DERA: variants seen among roughly 807,000 people sequenced by gnomAD.
DERA encodes the protein deoxyribose-phosphate aldolase, also known as 2-deoxy-D-ribose 5-phosphate aldolase.
In DERA, 15 loss-of-function variants were observed where a neutral mutation model predicts 41.1. The ratio of observed to expected loss-of-function variants is 0.37; its 90% CI spans 0.24 to 0.56. The LOEUF (loss-of-function observed/expected upper bound fraction) is 0.56. Ranked by LOEUF, DERA falls within the 20% of genes least tolerant of loss-of-function variation. DERA has a pLI of 0.81. For missense variants in DERA, 396 were observed against 403.4 expected (o/e 0.98, Z 0.16); for synonymous variants, 139 against 137.4 (o/e 1.01, Z -0.08).
intron 6 of DERA, among the ~76,000 whole-genome samples, chr12:16,028,040 T>G (rs1049711066): frequency 6.6e-6 from 1 of 152,206 alleles, no homozygotes; most frequent in African/African-American, 2.4e-5. Context: ...TACACAGATA[T>G]ATTTCCCTGC....
chr12:15,951,617 A>G (rs946091428), intron 1 of DERA, among the ~76,000 whole-genome samples: 3 of 152,218 alleles, frequency 2.0e-5, no homozygotes, highest in Admixed American at 1.3e-4. Context: ...TTCCTGCTCA[A>G]TAAGATAATG....
In DERA at chr12:15,938,777, TAA is replaced by T. The variant is rs1322561451; in HGVS notation, c.32-18158_32-18157del. Reference sequence around the variant, plus strand: ...TGAGACAAAATAGTAAATATTTTTATAAGACAAAACTTGTCAAATAAGATGTT... The same window carrying T: ...TGAGACAAAATAGTAAATATTTTTATGACAAAACTTGTCAAATAAGATGTT... On this transcript the variant is annotated intron_variant, in intron 1 of 8. Transcript: ENST00000428559. The surrounding 1 kb of genome is among the most constrained non-coding windows in gnomAD (Gnocchi z 4.1). Among the ~76,000 whole-genome samples, 1 of 152,230 alleles carries T rather than the reference TAA, an allele frequency of 6.6e-6. No individual in the cohort carries two copies. The highest frequency in any genetic ancestry group is 1.5e-5 in the Non-Finnish European group (1 of 68,032).
chr12:15,956,806 A>G (rs1226620099), intron 1 of DERA, 130 bp from the exon 2 acceptor site: 1 of 782,658 alleles, frequency 1.3e-6, no homozygotes, highest in African/African-American at 1.7e-5. Context: ...GTTGTACAAA[A>G]AAGAAATATA....
intron 4 of DERA, 103 bp from the exon 5 acceptor site, chr12:15,962,710 A>G: frequency 1.1e-6 from 1 of 923,334 alleles, no homozygotes; most frequent in East Asian, 2.7e-5. Context: ...TTCTTTGATG[A>G]ACTACTACTG....
rs1287642745 is a variant in DERA at position 15,924,463 on chromosome 12, G to C, written c.31+13049G>C. 6.6e-6 allele frequency among the ~76,000 whole-genome samples: 1 copy of C among 152,170 alleles called. No individual in the cohort carries two copies. Among genetic ancestry groups the C allele is most frequent in the Non-Finnish European group, 1.5e-5 (1 of 68,038 alleles). ...CAGTAAATATATTTTTCACTGTAGA[G>C]ATTACAAATACAATATTCTAGAAAT... On this transcript the variant is annotated intron_variant, in intron 1 of 8. Coordinates refer to ENST00000428559, the MANE Select transcript of DERA (RefSeq NM_015954.4). This position sits in a 1 kb window ranked among gnomAD's most constrained non-coding sequence, Gnocchi z 5.0.
intron 6 of DERA, among the ~76,000 whole-genome samples, chr12:16,006,181 C>T (rs75487544): frequency 0.013 from 1,919 of 152,292 alleles, 58 homozygotes; most frequent in African/African-American, 0.043. Flanking sequence ...TGAGCTGAGA[C>T]TGTAGGTGAC....
chr12:15,977,240 G>T (rs1488620553), intron 5 of DERA, among the ~76,000 whole-genome samples: 3 of 152,114 alleles, frequency 2.0e-5, no homozygotes, highest in Admixed American at 6.5e-5. Context: ...CGAATCTGTT[G>T]CTCGAAGCAC....
intron 1 of DERA, among the ~76,000 whole-genome samples, chr12:15,917,761 G>C (rs1046555876): frequency 1.3e-5 from 2 of 152,118 alleles, no homozygotes; most frequent in African/African-American, 4.8e-5. Context: ...GTAGGGGTGG[G>C]TGTTTCAACA....
chr12:15,922,799 C>CTTCA lies in DERA; in HGVS notation c.31+11386_31+11389dup, dbSNP rs1948253315. Among the ~76,000 whole-genome samples the CTTCA allele has an allele frequency of 6.6e-6, 1 of 152,060 alleles. No individual in the cohort carries two copies. Among genetic ancestry groups the CTTCA allele is most frequent in the Non-Finnish European group, 1.5e-5 (1 of 68,018 alleles). On this transcript the variant is annotated intron_variant, in intron 1 of 8. Coordinates refer to ENST00000428559, the MANE Select transcript of DERA (RefSeq NM_015954.4). This position sits in a 1 kb window ranked among gnomAD's most constrained non-coding sequence, Gnocchi z 4.9. ...TGGAACCTTGCGGGGTGGGGAGGGG[C>CTTCA]TTCAGTACATTGGCTTGTACTTTCC...
intron 5 of DERA, among the ~76,000 whole-genome samples, chr12:15,977,954 A>G (rs1265165927): frequency 2.0e-5 from 3 of 152,176 alleles, no homozygotes; most frequent in Non-Finnish European, 4.4e-5. Flanking sequence ...TTATTGCTTC[A>G]CTTGTAATTT....
In DERA at chr12:15,936,959, C is replaced by CCTGTCCTGTCTTGTCCTGTCCCGT. The variant is rs1565588788; in HGVS notation, c.32-19976_32-19975insTGTCCTGTCTTGTCCTGTCCCGTC. Among the ~76,000 whole-genome samples, 1 of 139,772 alleles carries CCTGTCCTGTCTTGTCCTGTCCCGT rather than the reference C, an allele frequency of 7.2e-6. No homozygotes were observed. The highest frequency in any genetic ancestry group is 3.0e-5 in the African/African-American group (1 of 33,454). 91.7% of individuals were successfully genotyped at this position (139,772 alleles called of 152,430 possible). ...TCTTGTCCTGTCCCGTCCTGTCCTG[C>CCTGTCCTGTCTTGTCCTGTCCCGT]CCTGCCCTGCCCTGTCTTGTCTTTC... On this transcript the variant is annotated intron_variant, in intron 1 of 8. Coordinates refer to ENST00000428559, the MANE Select transcript of DERA (RefSeq NM_015954.4). The surrounding 1 kb of genome is among the most constrained non-coding windows in gnomAD (Gnocchi z 4.6).
intron 1 of DERA, among the ~76,000 whole-genome samples, chr12:15,919,428 ATTGT>A: frequency 6.6e-6 from 1 of 152,198 alleles, no homozygotes; most frequent in East Asian, 1.9e-4. Context: ...GTCACCAGAA[ATTGT>A]TTAAGTGGAG....
In DERA at chr12:15,921,442, G is replaced by GA. The variant is rs1302272877; in HGVS notation, c.31+10035dup. ...GAGTAATTCCGTTAATTTTCTGGTA[G>GA]AAAAAAACATATTCATGTTTCCTTG... On this transcript the variant is annotated intron_variant, in intron 1 of 8. Transcript: ENST00000428559. This position sits in a 1 kb window ranked among gnomAD's most constrained non-coding sequence, Gnocchi z 5.3. Among the ~76,000 whole-genome samples the GA allele has an allele frequency of 5.3e-5, 8 of 152,192 alleles. No homozygotes were observed. The highest frequency in any genetic ancestry group is 8.8e-5 in the Non-Finnish European group (6 of 67,994).
chr12:15,938,481 C>T lies in DERA; in HGVS notation c.32-18455C>T, dbSNP rs184467937. 6.6e-6 allele frequency among the ~76,000 whole-genome samples: 1 copy of T among 152,222 alleles called. No homozygotes were observed. Among genetic ancestry groups the T allele is most frequent in the East Asian group, 1.9e-4 (1 of 5,180 alleles). ...CAACACAAGTTGAATTATTACTCTG[C>T]TTTAATAAGCTTCTTAGCTGTATCA... On this transcript the variant is annotated intron_variant, in intron 1 of 8. Coordinates refer to ENST00000428559, the MANE Select transcript of DERA (RefSeq NM_015954.4). The surrounding 1 kb of genome is among the most constrained non-coding windows in gnomAD (Gnocchi z 4.1).
rs1182927719 is a variant in DERA at position 15,957,819 on chromosome 12, G to GT, written c.130-368dup. Reference sequence around the variant, plus strand: ...CAGATCCCAGAGCGGGAGGTAAAATGTAAGGTAGAAACCTTCTTTCGGAGT... The same window carrying GT: ...CAGATCCCAGAGCGGGAGGTAAAATGTTAAGGTAGAAACCTTCTTTCGGAGT... On this transcript the variant is annotated intron_variant, in intron 2 of 8. Coordinates refer to ENST00000428559, the MANE Select transcript of DERA (RefSeq NM_015954.4). The surrounding 1 kb of genome is among the most constrained non-coding windows in gnomAD (Gnocchi z 4.8). Among the ~76,000 whole-genome samples, 1 of 152,194 alleles carries GT rather than the reference G, an allele frequency of 6.6e-6. No homozygotes were observed. The highest frequency in any genetic ancestry group is 1.9e-4 in the East Asian group (1 of 5,198).
At chr12:15,914,721 ACT>A (rs1335217356) in intron 1 of DERA, among the ~76,000 whole-genome samples, 3 of 151,410 alleles carry the variant, frequency 2.0e-5, no homozygotes, top group African/African-American at 7.3e-5. Context: ...GTGTCTGAAA[ACT>A]CTTCTGTTCA....
chr12:15,929,349 G>A (rs1274890771), intron 1 of DERA, among the ~76,000 whole-genome samples: 2 of 152,212 alleles, frequency 1.3e-5, no homozygotes, highest in African/African-American at 4.8e-5. Flanking sequence ...GCCGTGGGAA[G>A]CAGTGTTTTG....
rs1948886997 is a variant in DERA at position 16,003,124 on chromosome 12, T to C, written c.637+20688T>C. On this transcript the variant is annotated intron_variant, in intron 6 of 8. Transcript: ENST00000428559. The surrounding 1 kb of genome is among the most constrained non-coding windows in gnomAD (Gnocchi z 4.8). The stretch of plus-strand genomic sequence containing the variant: ...TATGAGAAAGAATCTGTTTTGTGGC[T>C]CTCCCCTTACTTGCAGGGGATTGTT... Among the ~76,000 whole-genome samples the C allele has an allele frequency of 6.6e-6, 1 of 152,272 alleles. No individual in the cohort carries two copies. Among genetic ancestry groups the C allele is most frequent in the South Asian group, 2.1e-4 (1 of 4,826 alleles).
intron 5 of DERA, among the ~76,000 whole-genome samples, chr12:15,977,398 T>C (rs1420169528): frequency 1.3e-5 from 2 of 152,264 alleles, no homozygotes; most frequent in African/African-American, 2.4e-5. Flanking sequence ...CTCTGTTCTA[T>C]AACTGACCCA....
Sources: allele counts gnomAD v4.1 joint callset (sites outside exome capture counted in the v4.1 genomes callset), GRCh38; gene constraint gnomAD v4.1.1; non-coding constraint Gnocchi (gnomAD v3.1); transcripts MANE v1.5; gene names NCBI Gene and HGNC (gene_info 2026-07-23, HGNC 2026-07-21).